The following SHTN1 variants were observed in gnomAD, a reference collection of about 807,000 sequenced individuals.
SHTN1 encodes shootin 1.
A neutral mutation model predicts 83.1 loss-of-function variants in SHTN1; 42 were observed. The ratio of observed to expected loss-of-function variants is 0.51; its 90% CI spans 0.39 to 0.65. SHTN1 has a LOEUF of 0.65. SHTN1 is among the 30% of genes least tolerant of loss of function. The pLI, the probability that SHTN1 is intolerant of heterozygous loss-of-function variation, is 0.00. For missense variants in SHTN1, 622 were observed against 737.8 expected, an observed-to-expected ratio of 0.84 and a Z score of 1.82; for synonymous variants, 224 against 247.7, an observed-to-expected ratio of 0.90 and a Z score of 0.90.
In SHTN1 at chr10:117,061,499, T is replaced by C. The variant is rs1368844008; in HGVS notation, c.-188-12989A>G. 2.0e-5 allele frequency among the ~76,000 whole-genome samples: 3 copies of C among 149,858 alleles called. No individual in the cohort carries two copies. In the East Asian group the frequency reaches 6.0e-4, roughly 30 times the overall value. On this transcript the variant is annotated intron_variant, in intron 1 of 17. Transcript: ENST00000392901. ...TTTTCTTTTTTTTGAAATGGAGTTT[T>C]GCTCTTGTTGCCCAGGCTAGAGTGC...
intron 1 of SHTN1, among the ~76,000 whole-genome samples, chr10:117,083,683 T>C (rs1001474449): frequency 2.0e-5 from 3 of 152,016 alleles, no homozygotes; most frequent in Admixed American, 1.3e-4. Flanking sequence ...CAGTCAGACG[T>C]AGATTTGGTC....
chr10:116,889,294 C>A (rs1471379455), intron 16 of SHTN1, among the ~76,000 whole-genome samples: 1 of 152,184 alleles, frequency 6.6e-6, no homozygotes, highest in African/African-American at 2.4e-5. Flanking sequence ...TATTGTCAGG[C>A]TGAAATTGTC....
At position 117,005,163 on chromosome 10, in the gene SHTN1, C is replaced by G; in HGVS notation, c.-84G>C. ...GGAGGGGGAAGAAAAAGCAAGATGC[C>G]GGTGGCTTGCGGCTCCACTACCCGG... On this transcript the variant is annotated 5_prime_UTR_variant, in exon 1 of 17. Coordinates refer to ENST00000355371, the MANE Select transcript of SHTN1 (RefSeq NM_001127211.3). 1.3e-6 allele frequency: 2 copies of G among 1,544,974 alleles called. No homozygotes were observed. The highest frequency in any genetic ancestry group is 1.7e-6 in the Non-Finnish European group (2 of 1,145,014).
intron 2 of SHTN1, among the ~76,000 whole-genome samples, chr10:117,032,665 C>T (rs1190749853): frequency 6.6e-6 from 1 of 152,124 alleles, no homozygotes; most frequent in African/African-American, 2.4e-5. Context: ...CATAAAGAAA[C>T]ATCAGACTTA....
chr10:116,957,533 C>T (rs1463891863), intron 4 of SHTN1, among the ~76,000 whole-genome samples: 10 of 151,060 alleles, frequency 6.6e-5, no homozygotes, highest in African/African-American at 2.4e-4. Flanking sequence ...GGATTACAGG[C>T]GTGAGCCACC....
intron 4 of SHTN1, among the ~76,000 whole-genome samples, chr10:116,956,039 T>G (rs956781095): frequency 3.3e-5 from 5 of 152,170 alleles, no homozygotes; most frequent in Admixed American, 3.3e-4. Context: ...TCTCAAACTA[T>G]CCCATCTTTT....
chr10:117,029,451 T>C (rs144716772), intron 2 of SHTN1, among the ~76,000 whole-genome samples: 3 of 152,288 alleles, frequency 2.0e-5, no homozygotes, highest in East Asian at 3.9e-4. Context: ...GAGAAGTACA[T>C]GAGATTTGGG....
intron 1 of SHTN1, among the ~76,000 whole-genome samples, chr10:116,985,929 A>G (rs1281275352): frequency 1.3e-5 from 2 of 152,224 alleles, no homozygotes; most frequent in Non-Finnish European, 2.9e-5. Flanking sequence ...AGCATTTGAA[A>G]AGCCATGGAA....
chr10:117,016,931 G>A (rs1852188871), intron 2 of SHTN1, among the ~76,000 whole-genome samples: 1 of 152,032 alleles, frequency 6.6e-6, no homozygotes, highest in Non-Finnish European at 1.5e-5. Context: ...CACTGAGAAG[G>A]CCTAGAAACA....
At chr10:116,968,215 T>A (rs988520152) in intron 3 of SHTN1, among the ~76,000 whole-genome samples, 5 of 152,042 alleles carry the variant, frequency 3.3e-5, no homozygotes, top group African/African-American at 1.2e-4. Flanking sequence ...AAAAAACTGA[T>A]GTACATCTGT....
At chr10:117,024,394 G>A (rs1429465505) in intron 2 of SHTN1, among the ~76,000 whole-genome samples, 3 of 120,308 alleles carry the variant, frequency 2.5e-5, no homozygotes, top group African/African-American at 3.3e-5. Flanking sequence ...TTGTTCTGTC[G>A]CCCAGGCTGG....
intron 2 of SHTN1, among the ~76,000 whole-genome samples, chr10:116,970,752 C>T (rs1850587910): frequency 6.7e-6 from 1 of 150,290 alleles, no homozygotes; most frequent in Non-Finnish European, 1.5e-5. Context: ...AAATGAGTTG[C>T]AGAAGATATA....
chr10:117,078,903 T>C (rs1416926088), intron 1 of SHTN1, among the ~76,000 whole-genome samples: 2 of 152,210 alleles, frequency 1.3e-5, no homozygotes. Context: ...GAGTTGTTTA[T>C]AATAGTCCAT....
At chr10:117,099,040 ACAC>A (rs1270553305) in intron 1 of SHTN1, among the ~76,000 whole-genome samples, 2 of 151,242 alleles carry the variant, frequency 1.3e-5, no homozygotes, top group African/African-American at 4.9e-5. Context: ...ACACACACAC[ACAC>A]ACCATAAAAA....
chr10:117,124,901 A>C (rs1440787358), intron 1 of SHTN1, among the ~76,000 whole-genome samples: 1 of 152,226 alleles, frequency 6.6e-6, no homozygotes. Context: ...AAGTTTTCCT[A>C]CTATTGCTAT....
intron 1 of SHTN1, among the ~76,000 whole-genome samples, chr10:117,070,987 T>G (rs1271299157): frequency 2.0e-5 from 3 of 151,874 alleles, no homozygotes; most frequent in Non-Finnish European, 4.4e-5. Context: ...GATTTTTTTT[T>G]CTCAGAAAGA....
chr10:116,889,432 C>T (rs1024454825), intron 16 of SHTN1, among the ~76,000 whole-genome samples: 9 of 152,158 alleles, frequency 5.9e-5, no homozygotes, highest in Admixed American at 1.3e-4. Flanking sequence ...CTGAACTAGG[C>T]GCAGTGGGCA....
chr10:117,122,233 A>G (rs1853940337), intron 1 of SHTN1, among the ~76,000 whole-genome samples: 1 of 152,004 alleles, frequency 6.6e-6, no homozygotes. Context: ...GGAGTGCAGT[A>G]GCATGAACAC....
chr10:116,979,193 T>C lies in SHTN1; in HGVS notation c.111+63A>G, dbSNP rs1162693046. 36 of 1,335,514 alleles carry C rather than the reference T, an allele frequency of 2.7e-5. 1 individual carries two copies. Among genetic ancestry groups the C allele is most frequent in the Non-Finnish European group, 3.8e-5 (35 of 931,164 alleles). The allele number at this position is 1,335,514 out of a possible 1,614,324, so 82.7% of individuals were successfully genotyped here. A position where few individuals can be genotyped will look rare whatever the true frequency, so the allele number is the denominator to read the frequency against. On this transcript the variant is annotated intron_variant, in intron 2 of 16. Coordinates refer to ENST00000355371, the MANE Select transcript of SHTN1 (RefSeq NM_001127211.3). ...TTAACTGAAATTGGTGACTGAACAA[T>C]GCACTATGCCGCCTAGGCTTTTACA...
Sources: gnomAD v4.1 joint callset for allele counts (sites outside exome capture counted in the v4.1 genomes callset) on GRCh38, gnomAD v4.1.1 for gene constraint, MANE v1.5 for transcripts, NCBI Gene and HGNC (gene_info 2026-07-23, HGNC 2026-07-21) for gene names.